GLIS1: variants seen among roughly 807,000 people sequenced by gnomAD.
GLIS1 encodes the protein GLIS family zinc finger 1.
Under a neutral mutation model 63.8 loss-of-function variants are expected in GLIS1, and 24 were observed. That is an observed-to-expected ratio of 0.38 (90% CI 0.27 to 0.53). The LOEUF is 0.53. Ranked by LOEUF, GLIS1 falls within the 20% of genes least tolerant of loss-of-function variation. The pLI, the probability that GLIS1 is intolerant of heterozygous loss-of-function variation, is 0.85. For synonymous variants in GLIS1, 450 were observed against 482.5 expected (o/e 0.93, Z 0.88); for missense variants, 1,036 against 1,074.1 (o/e 0.96, Z 0.50).
At chr1:53,572,849 A>C (rs1197789108) in intron 4 of GLIS1, among the ~76,000 whole-genome samples, 1 of 152,124 alleles carries the variant, frequency 6.6e-6, no homozygotes, top group African/African-American at 2.4e-5. Flanking sequence ...CTCCTGTCTC[A>C]GGGGTGAAGG....
intron 2 of GLIS1, among the ~76,000 whole-genome samples, chr1:53,633,469 G>A (rs1224860909): frequency 7.1e-6 from 1 of 141,168 alleles, no homozygotes; most frequent in African/African-American, 2.5e-5. Flanking sequence ...TGAATGAGTG[G>A]CTGAGGGGTG....
At chr1:53,703,724 C>T (rs1179316717) in intron 2 of GLIS1, among the ~76,000 whole-genome samples, 5 of 151,746 alleles carry the variant, frequency 3.3e-5, no homozygotes, top group African/African-American at 1.2e-4. Flanking sequence ...CTAAAGAGAC[C>T]ACAGAGCAAA....
intron 2 of GLIS1, among the ~76,000 whole-genome samples, chr1:53,620,636 G>A (rs115575767): frequency 3.3e-5 from 5 of 152,356 alleles, no homozygotes; most frequent in East Asian, 1.9e-4. Flanking sequence ...CAGCTGGGCC[G>A]GCCTGCAAAG....
In GLIS1 at chr1:53,594,572, C is replaced by T. The variant is rs749426454; in HGVS notation, c.856G>A (p.Gly286Arg). The change falls in exon 4 of 11, where the codon GGA becomes AGA. Residue 286 changes from glycine (G) to arginine (R), a missense_variant. Coordinates refer to ENST00000628545, the MANE Select transcript of GLIS1 (RefSeq NM_001367484.1). ...CGCTTGGAAGGGCCCCCCAGATCTC[C>T]CGTCAGAGGGGGGCTCCGGAGTCCA... is the stretch of plus-strand genomic sequence containing the variant. ...VNGLRSPPLT[G>R]DLGGPSKRAR... is the part of the protein sequence containing the mutation. 5.0e-6 allele frequency: 8 copies of T among 1,597,718 alleles called. No homozygotes were observed. The East Asian group carries it at 1.1e-4, about 22-fold the overall frequency.
Position 53,639,193 on chromosome 1 carries a change from C to T in GLIS1, c.260-38915G>A, listed in dbSNP as rs938301965. Reference sequence around the variant, plus strand: ...GAGTCATTCTAGAGATGAAGCCACACCAGCCGATGCAGAGTACCCACATGA... The same window carrying T: ...GAGTCATTCTAGAGATGAAGCCACATCAGCCGATGCAGAGTACCCACATGA... On this transcript the variant is annotated intron_variant, in intron 2 of 10. Coordinates refer to ENST00000628545, the MANE Select transcript of GLIS1 (RefSeq NM_001367484.1). This position sits in a 1 kb window ranked among gnomAD's most constrained non-coding sequence, Gnocchi z 4.6. 1.1e-4 allele frequency among the ~76,000 whole-genome samples: 17 copies of T among 152,152 alleles called. No individual in the cohort carries two copies. Among genetic ancestry groups the T allele is most frequent in the African/African-American group, 4.1e-4 (17 of 41,434 alleles).
chr1:53,619,168 T>C (rs2100591715), intron 2 of GLIS1, among the ~76,000 whole-genome samples: 1 of 152,324 alleles, frequency 6.6e-6, no homozygotes, highest in South Asian at 2.1e-4. Flanking sequence ...CTGGCCTGGT[T>C]GCCGCCTCCC....
At chr1:53,571,679 C>T (rs905631669) in intron 4 of GLIS1, among the ~76,000 whole-genome samples, 1 of 152,104 alleles carries the variant, frequency 6.6e-6, no homozygotes, top group Admixed American at 6.5e-5. Flanking sequence ...CAGGTTCATG[C>T]CATTCTCCTG....
chr1:53,661,670 C>T (rs12742888), intron 2 of GLIS1, among the ~76,000 whole-genome samples: 10 of 152,184 alleles, frequency 6.6e-5, no homozygotes, highest in Non-Finnish European at 1.3e-4. Context: ...ACCCAGGCCT[C>T]CAGCAGCCAC....
intron 9 of GLIS1, 66 bp from the exon 10 acceptor site, chr1:53,509,353 T>A: frequency 7.0e-7 from 1 of 1,425,422 alleles, no homozygotes; most frequent in Non-Finnish European, 9.5e-7. Context: ...GAGGGGAACA[T>A]CCTTGCTGCA....
chr1:53,716,560 A>G (rs908691751), intron 2 of GLIS1, among the ~76,000 whole-genome samples: 2 of 152,250 alleles, frequency 1.3e-5, no homozygotes, highest in Admixed American at 1.3e-4. Context: ...TTAAAATCCT[A>G]AAAATCTCCT....
intron 2 of GLIS1, among the ~76,000 whole-genome samples, chr1:53,715,502 G>T (rs1045609075): frequency 6.6e-6 from 1 of 152,196 alleles, no homozygotes; most frequent in Non-Finnish European, 1.5e-5. Flanking sequence ...TCAAAGTGAC[G>T]CTGTCGAATG....
intron 2 of GLIS1, among the ~76,000 whole-genome samples, chr1:53,678,790 A>C (rs957876283): frequency 7.2e-5 from 11 of 152,280 alleles, no homozygotes; most frequent in African/African-American, 2.6e-4. Flanking sequence ...GGAAGGGGGA[A>C]AGGTCTCTGA....
At chr1:53,659,346 G>C (rs1646001855) in intron 2 of GLIS1, among the ~76,000 whole-genome samples, 1 of 152,166 alleles carries the variant, frequency 6.6e-6, no homozygotes, top group Non-Finnish European at 1.5e-5. Flanking sequence ...CCAGCCCTGG[G>C]GTGAGCTGCC....
chr1:53,573,525 G>A (rs1388488611), intron 4 of GLIS1, among the ~76,000 whole-genome samples: 4 of 152,158 alleles, frequency 2.6e-5, no homozygotes, highest in Non-Finnish European at 2.9e-5. Flanking sequence ...ACACAGAGAT[G>A]TGCAGACACA....
At chr1:53,605,052 C>T (rs17108874) in intron 2 of GLIS1, among the ~76,000 whole-genome samples, 122,069 of 151,594 alleles carry the variant, frequency 0.81, 53,889 homozygotes, top group Non-Finnish European at 0.99. Context: ...CGCCAACCCC[C>T]GATCTCATGC....
intron 2 of GLIS1, among the ~76,000 whole-genome samples, chr1:53,699,266 G>T (rs979023495): frequency 3.9e-5 from 6 of 151,984 alleles, no homozygotes; most frequent in African/African-American, 1.4e-4. Flanking sequence ...GTTTCACCAT[G>T]TTGGCCAGGC....
intron 2 of GLIS1, among the ~76,000 whole-genome samples, chr1:53,653,715 G>A (rs1400852927): frequency 6.6e-6 from 1 of 152,168 alleles, no homozygotes; most frequent in Non-Finnish European, 1.5e-5. Flanking sequence ...CTGCTGGTAA[G>A]CAGTGAGAGG....
chr1:53,588,893 T>C (rs1645161980), intron 4 of GLIS1, among the ~76,000 whole-genome samples: 1 of 152,236 alleles, frequency 6.6e-6, no homozygotes, highest in South Asian at 2.1e-4. Flanking sequence ...TTCTGTAAAA[T>C]GGGCATGGTA....
In GLIS1 at chr1:53,506,623, G is replaced by A. The variant is rs769195634; in HGVS notation, c.2384C>T (p.Thr795Ile). 2 of 1,613,418 alleles carry A rather than the reference G, an allele frequency of 1.2e-6. No homozygotes were observed. The highest frequency in any genetic ancestry group is 1.1e-5 in the South Asian group (1 of 91,068). The stretch of plus-strand genomic sequence containing the variant: ...CAGGCGCATGTGGGGGCTCCTTCAG[G>A]TGTCTGTGTAGATGGAGGGGATGTG... ...LGHIPSIYTD[T>I] The change falls in exon 11 of 11, where the codon ACC becomes ATC. Residue 795 changes from threonine (T) to isoleucine (I), a missense_variant. Physicochemically the swap from Thr to Ile is moderately conservative, Grantham distance 89. Coordinates refer to ENST00000628545, the MANE Select transcript of GLIS1 (RefSeq NM_001367484.1).
Sources: gnomAD v4.1 joint callset for allele counts (sites outside exome capture counted in the v4.1 genomes callset) on GRCh38, gnomAD v4.1.1 for gene constraint, Gnocchi (gnomAD v3.1) non-coding constraint, MANE v1.5 for transcripts, NCBI Gene and HGNC (gene_info 2026-07-23, HGNC 2026-07-21) for gene names.